Variants in CCDC68 observed in about 807,000 individuals in gnomAD.
The protein encoded by CCDC68 is coiled-coil domain containing 68, also known as coiled-coil domain-containing protein 68.
A neutral mutation model predicts 47.1 loss-of-function variants in CCDC68; 45 were observed. That is an observed-to-expected ratio of 0.96 (90% CI 0.75 to 1.23). The LOEUF (loss-of-function observed/expected upper bound fraction) is 1.23, where lower values mean the gene tolerates loss of function less well. Among genes scored for constraint, CCDC68 ranks in the 50% most tolerant of loss-of-function variants. The pLI is 0.00. For missense variants in CCDC68, 353 were observed against 373.6 expected (o/e 0.94, Z 0.45); for synonymous variants, 131 against 129.5 (o/e 1.01, Z -0.08).
At chr18:54,951,210 G>C (rs2044615076) in intron 1 of CCDC68, among the ~76,000 whole-genome samples, 2 of 152,114 alleles carry the variant, frequency 1.3e-5, no homozygotes, top group South Asian at 4.2e-4. Flanking sequence ...GCCCGGCCCA[G>C]ATGTCTTTTT....
Position 54,942,668 on chromosome 18 carries a change from C to A in CCDC68, c.117+7G>T, listed in dbSNP as rs368560822. 2.1e-4 allele frequency: 307 copies of A among 1,486,990 alleles called. 1 individual carries two copies. In the African/African-American group the frequency reaches 4.0e-3, roughly 19 times the overall value. 92.1% of individuals were successfully genotyped at this position (1,486,990 alleles called of 1,614,324 possible). A position where few individuals can be genotyped will look rare whatever the true frequency, so the allele number is the denominator to read the frequency against. ...TATCATACTAATGATTTCTGCTACCCACATACCTTTTTCACATACTCGGTT... is the reference window on the plus strand; with the variant it reads ...TATCATACTAATGATTTCTGCTACCAACATACCTTTTTCACATACTCGGTT... On this transcript the variant is annotated splice_region_variant and intron_variant, in intron 3 of 11. Transcript: ENST00000591504.
At chr18:54,933,092 C>A (rs1345565174) in intron 7 of CCDC68, among the ~76,000 whole-genome samples, 2 of 151,914 alleles carry the variant, frequency 1.3e-5, no homozygotes, top group Admixed American at 6.6e-5. Context: ...ACTGTTCTTT[C>A]TTTTTTTTGA....
At chr18:54,919,225 C>G in intron 9 of CCDC68, 46 bp downstream of exon 9, 1 of 1,449,958 alleles carries the variant, frequency 6.9e-7, no homozygotes, top group Non-Finnish European at 9.7e-7. Flanking sequence ...GGGCTCCACG[C>G]TGTAAACATA....
chr18:54,938,547 A>G (rs1308676825), intron 4 of CCDC68, among the ~76,000 whole-genome samples: 1 of 152,242 alleles, frequency 6.6e-6, no homozygotes, highest in Non-Finnish European at 1.5e-5. Context: ...TAAATTTCCA[A>G]TCAGAGATAT....
chr18:54,945,904 G>A (rs1306378781), intron 1 of CCDC68, among the ~76,000 whole-genome samples: 4 of 152,162 alleles, frequency 2.6e-5, no homozygotes, highest in East Asian at 3.9e-4. Context: ...GTGCTTGGAA[G>A]CCAGAGAGAG....
intron 10 of CCDC68, among the ~76,000 whole-genome samples, chr18:54,914,496 T>C (rs2043911188): frequency 6.6e-6 from 1 of 152,006 alleles, no homozygotes; most frequent in Non-Finnish European, 1.5e-5. Flanking sequence ...TGGGCACTTG[T>C]AATCCCATCT....
intron 8 of CCDC68, among the ~76,000 whole-genome samples, chr18:54,921,282 C>T (rs939712248): frequency 3.3e-5 from 5 of 152,138 alleles, no homozygotes; most frequent in African/African-American, 7.2e-5. Context: ...GTAGCCCAAA[C>T]CTCAGCATCA....
intron 2 of CCDC68, among the ~76,000 whole-genome samples, chr18:54,944,286 T>A (rs2044486525): frequency 6.6e-6 from 1 of 151,934 alleles, no homozygotes; most frequent in Non-Finnish European, 1.5e-5. Flanking sequence ...TAATTATTAT[T>A]TACTATAATA....
At position 54,904,069 on chromosome 18, in the gene CCDC68, GAAAAC is replaced by G; in HGVS notation, c.*284_*288del. On this transcript the variant is annotated 3_prime_UTR_variant, in exon 12 of 12. Coordinates refer to ENST00000591504, the MANE Select transcript of CCDC68 (RefSeq NM_025214.3). Reference sequence around the variant, plus strand: ...ACAATCCCAGTAGAAAAAAAAATCTGAAAACAAGATTCAGATTTTTTTTTTTTTTT... The same window carrying G: ...ACAATCCCAGTAGAAAAAAAAATCTGAAGATTCAGATTTTTTTTTTTTTTT... 3.9e-6 allele frequency: 1 copy of G among 257,464 alleles called. No homozygotes were observed. Among genetic ancestry groups the G allele is most frequent in the South Asian group, 8.3e-5 (1 of 12,024 alleles). 15.9% of individuals were successfully genotyped at this position (257,464 alleles called of 1,614,324 possible).
At chr18:54,914,053 A>G (rs1307134979) in intron 10 of CCDC68, among the ~76,000 whole-genome samples, 1 of 152,182 alleles carries the variant, frequency 6.6e-6, no homozygotes, top group Non-Finnish European at 1.5e-5. Flanking sequence ...TCTTCAAAGT[A>G]TAAGTAAGAT....
intron 11 of CCDC68, among the ~76,000 whole-genome samples, chr18:54,906,820 C>T (rs1914037029): frequency 6.6e-6 from 1 of 152,208 alleles, no homozygotes; most frequent in Admixed American, 6.5e-5. Flanking sequence ...TAACAAGCAT[C>T]TGGAGGCCAA....
chr18:54,955,297 C>T (rs1235191598), intron 1 of CCDC68, among the ~76,000 whole-genome samples: 12 of 152,128 alleles, frequency 7.9e-5, no homozygotes, highest in African/African-American at 2.9e-4. Flanking sequence ...TGCACTCCAG[C>T]GTCAGTGACA....
intron 8 of CCDC68, among the ~76,000 whole-genome samples, chr18:54,924,511 T>C (rs1035426737): frequency 1.3e-5 from 2 of 152,140 alleles, no homozygotes; most frequent in Non-Finnish European, 2.9e-5. Context: ...CCCTACCCTT[T>C]TGAAGGAGGG....
intron 5 of CCDC68, 72 bp downstream of exon 5, chr18:54,937,885 A>G (rs1207140725): frequency 1.4e-6 from 2 of 1,382,510 alleles, no homozygotes; most frequent in African/African-American, 1.4e-5. Flanking sequence ...TTACAGAGCC[A>G]CAGATGCTAA....
chr18:54,904,251 C>A lies in CCDC68; in HGVS notation c.*107G>T. ...AAAGCCATTGGTATGTAATAAGTTC[C>A]ATTTAAATAATGGCATTTTGCCATT... On this transcript the variant is annotated 3_prime_UTR_variant, in exon 12 of 12. Coordinates refer to ENST00000591504, the MANE Select transcript of CCDC68 (RefSeq NM_025214.3). 1 of 841,398 alleles carries A rather than the reference C, an allele frequency of 1.2e-6. No homozygotes were observed. The highest frequency in any genetic ancestry group is 2.0e-6 in the Non-Finnish European group (1 of 504,012). 52.1% of individuals were successfully genotyped at this position (841,398 alleles called of 1,614,324 possible). A position where few individuals can be genotyped will look rare whatever the true frequency, so the allele number is the denominator to read the frequency against.
intron 5 of CCDC68, 66 bp downstream of exon 5, chr18:54,937,891 G>A: frequency 1.4e-6 from 2 of 1,436,790 alleles, no homozygotes; most frequent in Admixed American, 2.0e-5. Flanking sequence ...AGCCACAGAT[G>A]CTAACAACCC....
At chr18:54,948,355 C>T (rs573270652) in intron 1 of CCDC68, among the ~76,000 whole-genome samples, 40 of 152,254 alleles carry the variant, frequency 2.6e-4, no homozygotes, top group Middle Eastern at 3.4e-3. Flanking sequence ...GGAACACCAA[C>T]GATTACTAGC....
chr18:54,933,344 G>A (rs926333006), intron 7 of CCDC68, among the ~76,000 whole-genome samples: 4 of 152,062 alleles, frequency 2.6e-5, no homozygotes, highest in African/African-American at 9.7e-5. Flanking sequence ...GCCTCCCAAA[G>A]TGCTGGGATT....
In CCDC68 at chr18:54,904,419, T is replaced by C. The variant is rs1006275797; in HGVS notation, c.951-4A>G. Reference sequence around the variant, plus strand: ...AACACCTTCGGTCTTCAATTCACTGTAGAAAAGACAACACGATGATCAAAA... The same window carrying C: ...AACACCTTCGGTCTTCAATTCACTGCAGAAAAGACAACACGATGATCAAAA... On this transcript the variant is annotated splice_region_variant and splice_polypyrimidine_tract_variant and intron_variant, in intron 11 of 11. Transcript: ENST00000591504. The C allele has an allele frequency of 1.2e-6, 2 of 1,611,604 alleles. No homozygotes were observed. Among genetic ancestry groups the C allele is most frequent in the Non-Finnish European group, 1.7e-6 (2 of 1,177,882 alleles).
Sources: allele counts gnomAD v4.1 joint callset (sites outside exome capture counted in the v4.1 genomes callset), GRCh38; gene constraint gnomAD v4.1.1; transcripts MANE v1.5; gene names NCBI Gene and HGNC (gene_info 2026-07-23, HGNC 2026-07-21).